PDE11A: variants seen among roughly 807,000 people sequenced by gnomAD.
PDE11A encodes phosphodiesterase 11A.
A neutral mutation model predicts 100.5 loss-of-function variants in PDE11A; 100 were observed. The observed-to-expected ratio is 1.00, with a 90% CI of 0.85 to 1.18. The LOEUF is 1.18. Among genes scored for constraint, PDE11A ranks in the 50% most tolerant of loss-of-function variants. PDE11A has a pLI of 0.00. For synonymous variants in PDE11A, 381 were observed against 420.8 expected (o/e 0.91, Z 1.16); for missense variants, 1,141 against 1,152.6 (o/e 0.99, Z 0.15).
chr2:177,784,854 T>C (rs1476641581), intron 9 of PDE11A, among the ~76,000 whole-genome samples: 1 of 152,226 alleles, frequency 6.6e-6, no homozygotes, highest in Non-Finnish European at 1.5e-5. Flanking sequence ...TCAGAATTCA[T>C]GCTATGAATT....
intron 15 of PDE11A, among the ~76,000 whole-genome samples, chr2:177,694,263 T>C (rs1015282238): frequency 1.3e-5 from 2 of 152,210 alleles, no homozygotes; most frequent in Admixed American, 1.3e-4. Flanking sequence ...ACTCTGAGTG[T>C]TGATATTTTT....
At chr2:177,971,592 C>G (rs556140373) in intron 2 of PDE11A, among the ~76,000 whole-genome samples, 1 of 152,100 alleles carries the variant, frequency 6.6e-6, no homozygotes, top group Non-Finnish European at 1.5e-5. Flanking sequence ...TGAAGAACAC[C>G]AAATAGGGAC....
intron 19 of PDE11A, among the ~76,000 whole-genome samples, chr2:177,630,324 G>GTA (rs1440881460): frequency 6.6e-6 from 1 of 152,144 alleles, no homozygotes; most frequent in Non-Finnish European, 1.5e-5. Context: ...GTTTTTAAGA[G>GTA]TCCTCCTGTT....
chr2:177,814,832 G>A (rs2083010941), intron 9 of PDE11A, among the ~76,000 whole-genome samples: 1 of 152,144 alleles, frequency 6.6e-6, no homozygotes, highest in Non-Finnish European at 1.5e-5. Flanking sequence ...GGTAACTGTG[G>A]CTCATTGGGG....
intron 1 of PDE11A, among the ~76,000 whole-genome samples, chr2:178,070,802 T>C (rs1395769421): frequency 2.0e-5 from 3 of 151,992 alleles, no homozygotes; most frequent in Admixed American, 1.3e-4. Flanking sequence ...GTTTCATAAA[T>C]TAAAAACCTA....
chr2:177,727,648 G>A lies in PDE11A; in HGVS notation c.2043+10C>T. ...AGAAATGATCTTCCACCATCACTAA[G>A]CACACTTACGGTTAACATCGCGAAC... On this transcript the variant is annotated intron_variant, in intron 12 of 19. Coordinates refer to ENST00000286063, the MANE Select transcript of PDE11A (RefSeq NM_016953.4). 6.8e-7 allele frequency: 1 copy of A among 1,466,224 alleles called. No individual in the cohort carries two copies. The highest frequency in any genetic ancestry group is 9.6e-7 in the Non-Finnish European group (1 of 1,045,020). 90.8% of individuals were successfully genotyped at this position (1,466,224 alleles called of 1,614,324 possible).
intron 2 of PDE11A, among the ~76,000 whole-genome samples, chr2:177,977,134 A>G (rs2085819818): frequency 2.6e-5 from 1 of 38,518 alleles, no homozygotes; most frequent in Non-Finnish European, 5.0e-5. Context: ...CAATTAGGAA[A>G]AGAGGAAGTC....
chr2:177,966,375 A>G (rs2085698446), intron 2 of PDE11A, among the ~76,000 whole-genome samples: 1 of 152,048 alleles, frequency 6.6e-6, no homozygotes, highest in Non-Finnish European at 1.5e-5. Context: ...GTCTTCCAGT[A>G]CTATGATGAA....
chr2:177,994,662 T>G (rs1275318155), intron 2 of PDE11A, among the ~76,000 whole-genome samples: 2 of 152,234 alleles, frequency 1.3e-5, no homozygotes, highest in African/African-American at 4.8e-5. Flanking sequence ...CCCAATGATC[T>G]GTGCATAATC....
intron 14 of PDE11A, among the ~76,000 whole-genome samples, chr2:177,699,536 G>A (rs2081166812): frequency 1.3e-5 from 2 of 152,144 alleles, no homozygotes; most frequent in Admixed American, 1.3e-4. Context: ...CACGTTATGT[G>A]CCTTAACGTT....
chr2:177,696,706 G>A (rs559471607), intron 15 of PDE11A, among the ~76,000 whole-genome samples: 2 of 152,276 alleles, frequency 1.3e-5, no homozygotes, highest in African/African-American at 4.8e-5. Context: ...GGGGTCAAAT[G>A]AAAAATTTTT....
In PDE11A at chr2:177,624,041, G is replaced by A. The variant is rs1270007219; in HGVS notation, c.*5366C>T. 6.6e-6 allele frequency: 1 copy of A among 152,132 alleles called. No homozygotes were observed. Among genetic ancestry groups the A allele is most frequent in the African/African-American group, 2.4e-5 (1 of 41,424 alleles). The allele number at this position is 152,132 out of a possible 1,614,324, so 9.4% of individuals were successfully genotyped here. A position where few individuals can be genotyped will look rare whatever the true frequency, so the allele number is the denominator to read the frequency against. ...CTATTATTCTTCACTTAGGAAGCTGGTGCAATTTTGGCCTTCTTGTAGTCA... is the reference window on the plus strand; with the variant it reads ...CTATTATTCTTCACTTAGGAAGCTGATGCAATTTTGGCCTTCTTGTAGTCA... On this transcript the variant is annotated 3_prime_UTR_variant, in exon 20 of 20. Coordinates refer to ENST00000286063, the MANE Select transcript of PDE11A (RefSeq NM_016953.4).
At chr2:177,899,942 GA>G (rs955536135) in intron 3 of PDE11A, among the ~76,000 whole-genome samples, 1 of 151,284 alleles carries the variant, frequency 6.6e-6, no homozygotes, top group Non-Finnish European at 1.5e-5. Context: ...AGACAACTTA[GA>G]AAAAAATCTT....
chr2:177,883,095 C>A (rs1419855256), intron 4 of PDE11A, among the ~76,000 whole-genome samples: 1 of 151,734 alleles, frequency 6.6e-6, no homozygotes, highest in African/African-American at 2.4e-5. Flanking sequence ...ATGGTGAAAC[C>A]CCGTCTCTAT....
At chr2:177,792,304 G>C (rs2082644431) in intron 9 of PDE11A, among the ~76,000 whole-genome samples, 1 of 152,136 alleles carries the variant, frequency 6.6e-6, no homozygotes, top group Non-Finnish European at 1.5e-5. Flanking sequence ...ATTGGTTATT[G>C]CTGTTTCTGA....
intron 2 of PDE11A, among the ~76,000 whole-genome samples, chr2:177,917,340 T>C (rs1201397715): frequency 6.6e-6 from 1 of 152,186 alleles, no homozygotes; most frequent in Admixed American, 6.5e-5. Flanking sequence ...AGCACTGCCA[T>C]CACTCACCAT....
intron 1 of PDE11A, among the ~76,000 whole-genome samples, chr2:178,069,394 G>A (rs2087094599): frequency 6.6e-6 from 1 of 151,988 alleles, no homozygotes; most frequent in Admixed American, 6.6e-5. Flanking sequence ...ACTACACCAA[G>A]TTAAAAATAC....
At chr2:177,776,502 T>C (rs1188785715) in intron 9 of PDE11A, among the ~76,000 whole-genome samples, 1 of 152,308 alleles carries the variant, frequency 6.6e-6, no homozygotes, top group East Asian at 1.9e-4. Flanking sequence ...TGAAATATTT[T>C]CAGCAATGCT....
intron 2 of PDE11A, among the ~76,000 whole-genome samples, chr2:178,103,505 T>C (rs905134541): frequency 1.3e-5 from 2 of 150,412 alleles, no homozygotes; most frequent in African/African-American, 5.0e-5. Context: ...AATGTCTAAT[T>C]ATGTTATATA....
Sources: gnomAD v4.1 joint callset for allele counts (sites outside exome capture counted in the v4.1 genomes callset) on GRCh38, gnomAD v4.1.1 for gene constraint, MANE v1.5 for transcripts, NCBI Gene and HGNC (gene_info 2026-07-23, HGNC 2026-07-21) for gene names.